Variants in PIP4K2B observed in about 807,000 individuals in gnomAD.
The protein encoded by PIP4K2B is phosphatidylinositol 5-phosphate 4-kinase type-2 beta.
Under a neutral mutation model 42.0 loss-of-function variants are expected in PIP4K2B, and 3 were observed. The ratio of observed to expected loss-of-function variants is 0.07; its 90% confidence interval spans 0.03 to 0.18. The LOEUF is 0.18. Among genes scored for constraint, PIP4K2B ranks in the 10% least tolerant of loss-of-function variants. The pLI, the probability that PIP4K2B is intolerant of heterozygous loss-of-function variation, is 1.00. For missense variants in PIP4K2B, 332 were observed against 562.3 expected, an observed-to-expected ratio of 0.59 and a Z score of 4.14; for synonymous variants, 204 against 210.1, an observed-to-expected ratio of 0.97 and a Z score of 0.25.
intron 7 of PIP4K2B, among the ~76,000 whole-genome samples, 155 bp from the exon 8 acceptor site, chr17:38,771,427 C>A (rs112787943): frequency 9.1e-5 from 2 of 22,010 alleles, no homozygotes; most frequent in East Asian, 0.028. Context: ...CACCCGCCCT[C>A]GCGAGCTCTC....
At chr17:38,776,670 T>G in intron 7 of PIP4K2B, 1 of 424,600 alleles carries the variant, frequency 2.4e-6, no homozygotes, top group South Asian at 1.7e-5. Flanking sequence ...AAACACCTAT[T>G]ATTATATGTA....
At chr17:38,787,975 T>TG (rs1451808993) in intron 1 of PIP4K2B, among the ~76,000 whole-genome samples, 1 of 152,190 alleles carries the variant, frequency 6.6e-6, no homozygotes, top group Non-Finnish European at 1.5e-5. Flanking sequence ...CTAGCATATA[T>TG]GGCAGATACT....
chr17:38,797,245 C>T (rs1910702965), intron 1 of PIP4K2B, among the ~76,000 whole-genome samples: 2 of 152,320 alleles, frequency 1.3e-5, no homozygotes, highest in South Asian at 2.1e-4. Flanking sequence ...ACTCCTGACT[C>T]GTGATACCTA....
chr17:38,769,839 G>A (rs752933689), intron 9 of PIP4K2B, 68 bp from the exon 10 acceptor site: 14 of 1,424,962 alleles, frequency 9.8e-6, no homozygotes, highest in Non-Finnish European at 1.4e-5. Flanking sequence ...CACATGGGGG[G>A]AGCCAGGGTA....
rs576630227 is a variant in PIP4K2B, at chr17:38,769,261, G to A, written c.*430C>T. On this transcript the variant is annotated 3_prime_UTR_variant, in exon 10 of 10. Coordinates refer to ENST00000619039, the MANE Select transcript of PIP4K2B (RefSeq NM_003559.5). ...TCTCTTTAATTGAAGGGAACTGAGA[G>A]CTCAGCAAAGATGGGGAGGGTGGGT... 3.8e-4 allele frequency: 68 copies of A among 180,384 alleles called. No individual in the cohort carries two copies. The highest frequency in any genetic ancestry group is 1.4e-3 in the African/African-American group (60 of 42,416). The allele number at this position is 180,384 out of a possible 1,614,324, so 11.2% of individuals were successfully genotyped here. A position where few individuals can be genotyped will look rare whatever the true frequency, so the allele number is the denominator to read the frequency against.
Position 38,766,322 on chromosome 17 carries a change from A to G in PIP4K2B, c.*3369T>C, listed in dbSNP as rs1172738342. 6.6e-6 allele frequency: 1 copy of G among 152,608 alleles called. No individual in the cohort carries two copies. The highest frequency in any genetic ancestry group is 1.5e-5 in the Non-Finnish European group (1 of 68,060). The allele number at this position is 152,608 out of a possible 1,614,324, so 9.5% of individuals were successfully genotyped here. ...AGGCCAGAGCTCTGAGTGTTGTTTA[A>G]ACGCACTGTCCCTTCTAGCCCCCAA... On this transcript the variant is annotated 3_prime_UTR_variant, in exon 10 of 10. Transcript: ENST00000619039.
chr17:38,775,035 C>T (rs937855710), intron 7 of PIP4K2B, among the ~76,000 whole-genome samples: 3 of 151,632 alleles, frequency 2.0e-5, no homozygotes, highest in East Asian at 2.0e-4. Flanking sequence ...CTGCAAGCTC[C>T]GTCTCCCGGG....
Position 38,786,849 on chromosome 17 carries a change from G to T in PIP4K2B, c.231C>A (p.Ile77=). 1 of 1,610,884 alleles carries T rather than the reference G, an allele frequency of 6.2e-7. No individual in the cohort carries two copies. The highest frequency in any genetic ancestry group is 8.5e-7 in the Non-Finnish European group (1 of 1,177,042). ...TATTGAAGAGATGATTGTCCACCTT[G>T]ATCTTGCTGTAGGCTTTGAAGTCAT... is the stretch of plus-strand genomic sequence containing the variant. ...MPDDFKAYSK[I]KVDNHLFNKE... is the part of the protein sequence containing the mutation. Residue 77 remains isoleucine (I), a synonymous_variant, in exon 2 of 10, where the codon ATC becomes ATA. Coordinates refer to ENST00000619039, the MANE Select transcript of PIP4K2B (RefSeq NM_003559.5).
At chr17:38,780,954 A>ATGACCT (rs1909675784) in intron 3 of PIP4K2B, among the ~76,000 whole-genome samples, 2 of 152,104 alleles carry the variant, frequency 1.3e-5, no homozygotes, top group African/African-American at 4.8e-5. Flanking sequence ...CACACGCACT[A>ATGACCT]TGACCTTGGG....
At chr17:38,790,233 C>T (rs1358431295) in intron 1 of PIP4K2B, among the ~76,000 whole-genome samples, 2 of 152,136 alleles carry the variant, frequency 1.3e-5, no homozygotes, top group African/African-American at 4.8e-5. Context: ...CCAGGGGGTG[C>T]TCACAAGAGA....
Position 38,784,394 on chromosome 17 carries a change from T to C in PIP4K2B, c.258-55A>G, listed in dbSNP as rs573860844. On this transcript the variant is annotated intron_variant, in intron 2 of 9. Transcript: ENST00000619039. ...AACTGCCCCTTGCTCATCTTAATTCTATTATTATTATTATTTTTTGTAATA... is the reference window on the plus strand; with the variant it reads ...AACTGCCCCTTGCTCATCTTAATTCCATTATTATTATTATTTTTTGTAATA... The C allele has an allele frequency of 6.9e-6, 6 of 867,006 alleles. No individual in the cohort carries two copies. In the Admixed American group the frequency reaches 7.0e-5, roughly 10 times the overall value. The allele number at this position is 867,006 out of a possible 1,614,324, so 53.7% of individuals were successfully genotyped here. A position where few individuals can be genotyped will look rare whatever the true frequency, so the allele number is the denominator to read the frequency against.
At chr17:38,798,926 G>T (rs933801008) in intron 1 of PIP4K2B, among the ~76,000 whole-genome samples, 1 of 152,234 alleles carries the variant, frequency 6.6e-6, no homozygotes, top group Non-Finnish European at 1.5e-5. Flanking sequence ...CAGGATGAGG[G>T]GGGAGGAGGA....
At chr17:38,770,747 G>C (rs1908975210) in intron 8 of PIP4K2B, among the ~76,000 whole-genome samples, 1 of 152,132 alleles carries the variant, frequency 6.6e-6, no homozygotes, top group Non-Finnish European at 1.5e-5. Flanking sequence ...TGACAGGACA[G>C]TATGAATAAA....
intron 1 of PIP4K2B, among the ~76,000 whole-genome samples, chr17:38,793,920 A>G (rs1910480184): frequency 6.6e-6 from 1 of 152,150 alleles, no homozygotes; most frequent in Admixed American, 6.5e-5. Flanking sequence ...ATGTATGGAC[A>G]GAACAGAACT....
intron 1 of PIP4K2B, among the ~76,000 whole-genome samples, chr17:38,790,998 G>A (rs1158022742): frequency 6.6e-6 from 1 of 152,128 alleles, no homozygotes; most frequent in Admixed American, 6.6e-5. Context: ...AGGTGTGTGG[G>A]AGGAGGAGAA....
At chr17:38,786,339 G>T (rs1012821865) in intron 2 of PIP4K2B, among the ~76,000 whole-genome samples, 1 of 152,218 alleles carries the variant, frequency 6.6e-6, no homozygotes, top group African/African-American at 2.4e-5. Context: ...AGAAGCGACA[G>T]CAGACAAAAA....
Position 38,780,523 on chromosome 17 carries a change from G to A in PIP4K2B, c.436C>T (p.Arg146Cys), listed in dbSNP as rs150129751. The A allele has an allele frequency of 1.9e-6, 3 of 1,614,016 alleles. No homozygotes were observed. The highest frequency in any genetic ancestry group is 1.1e-5 in the South Asian group (1 of 91,076). Reference protein sequence around the residue: ...GTRFLTTYDRRFVIKTVSSED... With the variant: ...GTRFLTTYDRCFVIKTVSSED... The stretch of plus-strand genomic sequence containing the variant: ...CTGGACACAGTCTTGATGACAAAGC[G>A]CCGGTCGTAGGTGGTGAGGAAACGC... Residue 146 changes from arginine to cysteine, a missense_variant, in exon 4 of 10, where the codon CGC becomes TGC. Transcript: ENST00000619039.
rs1454726495 is a variant in PIP4K2B, at chr17:38,766,633, G to C, written c.*3058C>G. On this transcript the variant is annotated 3_prime_UTR_variant, in exon 10 of 10. Transcript: ENST00000619039. ...AGCTGCCTGTGGTGGGAACTTAAGA[G>C]ACTGCCACTGAGAACAGCCACAGGG... 1 of 152,666 alleles carries C rather than the reference G, an allele frequency of 6.6e-6. No individual in the cohort carries two copies. The highest frequency in any genetic ancestry group is 2.4e-5 in the African/African-American group (1 of 41,446). 9.5% of individuals were successfully genotyped at this position (152,666 alleles called of 1,614,324 possible).
intron 3 of PIP4K2B, 79 bp from the exon 4 acceptor site, chr17:38,780,683 T>C: frequency 1.4e-6 from 2 of 1,430,114 alleles, no homozygotes; most frequent in Non-Finnish European, 1.9e-6. Context: ...CCTCAGGGGC[T>C]GGACTGCTTG....
Sources: allele counts gnomAD v4.1 joint callset (sites outside exome capture counted in the v4.1 genomes callset), GRCh38; gene constraint gnomAD v4.1.1; transcripts MANE v1.5; gene names NCBI Gene and HGNC (gene_info 2026-07-23, HGNC 2026-07-21).